The following RERE variants were observed in gnomAD, a reference collection of about 807,000 sequenced individuals.
RERE encodes arginine-glutamic acid dipeptide repeats protein.
A neutral mutation model predicts 146.1 loss-of-function variants in RERE; 40 were observed. The ratio of observed to expected loss-of-function variants is 0.27; its 90% CI spans 0.21 to 0.36. The LOEUF is 0.36. Among genes scored for constraint, RERE ranks in the 10% least tolerant of loss-of-function variants. The probability of loss-of-function intolerance (pLI) is 1.00; values close to 1 mark genes in which losing one functional copy is unlikely to be tolerated. For synonymous variants in RERE, 1,003 were observed against 866.0 expected (o/e 1.16, Z -2.78); for missense variants, 1,933 against 2,138.7 (o/e 0.90, Z 1.90).
At chr1:8,754,050 G>A (rs1640589161) in intron 1 of RERE, among the ~76,000 whole-genome samples, 1 of 152,074 alleles carries the variant, frequency 6.6e-6, no homozygotes, top group South Asian at 2.1e-4. Context: ...CCTTCACCCA[G>A]CTTGATGTTT....
intron 1 of RERE, among the ~76,000 whole-genome samples, chr1:8,759,868 C>G (rs1438775369): frequency 9.2e-5 from 14 of 151,864 alleles, no homozygotes; most frequent in Non-Finnish European, 2.9e-5. Flanking sequence ...CACACACACA[C>G]ACACACACAA....
intron 7 of RERE, among the ~76,000 whole-genome samples, chr1:8,528,542 G>A (rs1328691431): frequency 6.6e-6 from 1 of 152,092 alleles, no homozygotes; most frequent in Non-Finnish European, 1.5e-5. Context: ...TTCCCAAATT[G>A]TTCAGGAAAG....
chr1:8,814,573 G>A (rs993650927), intron 1 of RERE, among the ~76,000 whole-genome samples: 2 of 152,152 alleles, frequency 1.3e-5, no homozygotes. Flanking sequence ...CAAAATTGCC[G>A]ATTTTAGTGA....
chr1:8,804,662 A>T (rs1412745587), intron 1 of RERE, among the ~76,000 whole-genome samples: 1 of 152,200 alleles, frequency 6.6e-6, no homozygotes, highest in Non-Finnish European at 1.5e-5. Flanking sequence ...GTATCTTCAC[A>T]AGAAGGGAGT....
chr1:8,657,677 T>C (rs1368722860), intron 1 of RERE, among the ~76,000 whole-genome samples: 1 of 152,114 alleles, frequency 6.6e-6, no homozygotes, highest in Non-Finnish European at 1.5e-5. Context: ...TGAAACTCTG[T>C]CTCTACTAAA....
chr1:8,426,949 A>C (rs964505276), intron 11 of RERE, among the ~76,000 whole-genome samples: 3 of 152,194 alleles, frequency 2.0e-5, no homozygotes, highest in African/African-American at 4.8e-5. Flanking sequence ...CTCTTAAAAT[A>C]ATTACATCTT....
chr1:8,405,601 A>C (rs1196253223), intron 12 of RERE, among the ~76,000 whole-genome samples: 1 of 152,166 alleles, frequency 6.6e-6, no homozygotes, highest in Admixed American at 6.6e-5. Context: ...ATGGGCCAAA[A>C]CGTTAATTAG....
At chr1:8,695,103 CTACAAATAAAGTCA>C (rs1639298311) in intron 1 of RERE, among the ~76,000 whole-genome samples, 1 of 150,140 alleles carries the variant, frequency 6.7e-6, no homozygotes, top group South Asian at 2.1e-4. Context: ...AATAGAGAAC[CTACAAATAAAGTCA>C]TAAACCTACA....
chr1:8,365,716 T>C, intron 13 of RERE, 96 bp downstream of exon 13: 3 of 1,412,214 alleles, frequency 2.1e-6, no homozygotes, highest in Non-Finnish European at 2.0e-6. Flanking sequence ...CCCCTCATGC[T>C]TCCCGGAGCC....
chr1:8,740,759 C>T (rs1640291250), intron 1 of RERE, among the ~76,000 whole-genome samples: 1 of 152,122 alleles, frequency 6.6e-6, no homozygotes, highest in Non-Finnish European at 1.5e-5. Flanking sequence ...TCTTGCACCG[C>T]CACATGTTGG....
At chr1:8,459,199 C>T (rs1056146350) in intron 11 of RERE, among the ~76,000 whole-genome samples, 19 of 152,200 alleles carry the variant, frequency 1.2e-4, no homozygotes, top group African/African-American at 4.6e-4. Context: ...GTTGGAACTT[C>T]AGGCAAATCT....
chr1:8,530,548 A>G (rs1217137722), intron 7 of RERE, among the ~76,000 whole-genome samples: 1 of 152,206 alleles, frequency 6.6e-6, no homozygotes, highest in Non-Finnish European at 1.5e-5. Flanking sequence ...TTCTAGAGAA[A>G]AAGTTTGGAA....
At chr1:8,613,378 C>G (rs1023828537) in intron 4 of RERE, among the ~76,000 whole-genome samples, 2 of 152,176 alleles carry the variant, frequency 1.3e-5, no homozygotes, top group Non-Finnish European at 2.9e-5. Flanking sequence ...TCTCACAACT[C>G]CCAGACTCGT....
chr1:8,411,473 C>A (rs1175898418), intron 12 of RERE, among the ~76,000 whole-genome samples: 1 of 152,054 alleles, frequency 6.6e-6, no homozygotes, highest in African/African-American at 2.4e-5. Flanking sequence ...CAAATCCACC[C>A]CAGAGGACAG....
intron 4 of RERE, among the ~76,000 whole-genome samples, chr1:8,561,253 G>A (rs1356731184): frequency 6.6e-6 from 1 of 152,182 alleles, no homozygotes; most frequent in Non-Finnish European, 1.5e-5. Flanking sequence ...TGGCAGCATT[G>A]TGCTGAAAAG....
At position 8,541,207 on chromosome 1, in the gene RERE, CACTT is replaced by C. The variant is rs770585879; in HGVS notation, c.830+3_830+6del. The stretch of plus-strand genomic sequence containing the variant: ...TCTCAATGAATGGACACAAGTGACT[CACTT>C]ACCTTGTCTCAGGGTTATATCCTAA... On this transcript the variant is annotated splice_donor_5th_base_variant and intron_variant, in intron 7 of 22. Coordinates refer to ENST00000400908, the MANE Select transcript of RERE (RefSeq NM_001042681.2). The C allele has an allele frequency of 4.8e-6, 7 of 1,465,250 alleles. No individual in the cohort carries two copies. Among genetic ancestry groups the C allele is most frequent in the Admixed American group, 3.4e-5 (2 of 58,068 alleles). The allele number at this position is 1,465,250 out of a possible 1,614,324, so 90.8% of individuals were successfully genotyped here.
intron 1 of RERE, among the ~76,000 whole-genome samples, chr1:8,683,706 G>T (rs758194302): frequency 1.3e-5 from 2 of 152,208 alleles, no homozygotes; most frequent in Non-Finnish European, 2.9e-5. Context: ...ACTTTGGGAG[G>T]CCAAGGCGGG....
chr1:8,525,731 T>G, intron 7 of RERE: 1 of 1,580,340 alleles, frequency 6.3e-7, no homozygotes, highest in Non-Finnish European at 8.6e-7. Flanking sequence ...CATCACTGTT[T>G]CGGTGAGGCC....
intron 2 of RERE, among the ~76,000 whole-genome samples, chr1:8,626,414 T>A (rs1646974253): frequency 6.6e-6 from 1 of 152,160 alleles, no homozygotes; most frequent in Non-Finnish European, 1.5e-5. Context: ...ATAGCCTAGC[T>A]ACTGACAGAG....
Sources: allele counts gnomAD v4.1 joint callset (sites outside exome capture counted in the v4.1 genomes callset), GRCh38; gene constraint gnomAD v4.1.1; transcripts MANE v1.5; gene names NCBI Gene and HGNC (gene_info 2026-07-23, HGNC 2026-07-21).